Variants in NUP210L observed in about 807,000 individuals in gnomAD.
NUP210L encodes nuclear pore membrane glycoprotein 210-like.
NUP210L carries 74 observed loss-of-function variants against 208.5 expected under a neutral mutation model. The ratio of observed to expected loss-of-function variants is 0.35; its 90% CI spans 0.29 to 0.43. The LOEUF is 0.43. Among genes scored for constraint, NUP210L ranks in the 20% least tolerant of loss-of-function variants. The probability of loss-of-function intolerance (pLI) is 1.00; values close to 1 mark genes in which losing one functional copy is unlikely to be tolerated. For synonymous variants in NUP210L, 780 were observed against 816.9 expected, an observed-to-expected ratio of 0.95 and a Z score of 0.77; for missense variants, 1,843 against 2,289.4, an observed-to-expected ratio of 0.81 and a Z score of 3.98.
chr1:154,144,735 A>G (rs1486243420), intron 2 of NUP210L, among the ~76,000 whole-genome samples: 2 of 152,226 alleles, frequency 1.3e-5, no homozygotes, highest in South Asian at 2.1e-4. Flanking sequence ...CCACTTTCCA[A>G]TGACCCCAAA....
chr1:154,098,522 G>C (rs1319518997), intron 14 of NUP210L, among the ~76,000 whole-genome samples: 1 of 152,150 alleles, frequency 6.6e-6, no homozygotes, highest in Non-Finnish European at 1.5e-5. Context: ...GCCCTGGAGT[G>C]GGTAGTACCT....
chr1:154,049,081 G>T (rs1239043721), intron 25 of NUP210L, among the ~76,000 whole-genome samples: 1 of 152,164 alleles, frequency 6.6e-6, no homozygotes, highest in African/African-American at 2.4e-5. Flanking sequence ...GTAGATACAG[G>T]AGTGGACATT....
chr1:154,031,832 C>T (rs969328080), intron 27 of NUP210L, among the ~76,000 whole-genome samples: 1 of 151,830 alleles, frequency 6.6e-6, no homozygotes, highest in African/African-American at 2.4e-5. Flanking sequence ...AGTGTTTCTC[C>T]TGCCTCAGCC....
intron 16 of NUP210L, among the ~76,000 whole-genome samples, chr1:154,085,476 T>G (rs1655580473): frequency 6.6e-6 from 1 of 152,018 alleles, no homozygotes; most frequent in South Asian, 2.1e-4. Flanking sequence ...GAAACATTGT[T>G]GAAAGAAATT....
exon 40 of NUP210L, chr1:153,992,746 A>G (rs1649532630): frequency 1.2e-6 from 1 of 826,504 alleles, no homozygotes. Context: ...TTATCTGGAA[A>G]CTTAATGTAG....
exon 5 of NUP210L, chr1:154,139,804 T>C (rs1192723787): frequency 4.3e-6 from 7 of 1,612,932 alleles, no homozygotes; most frequent in Non-Finnish European, 5.1e-6. Flanking sequence ...CTTTTTACCT[T>C]ATAGAATGGT....
In NUP210L at chr1:154,071,836, C is replaced by G. The variant is rs187356926; in HGVS notation, c.2362-1371G>C. 1.8e-3 allele frequency among the ~76,000 whole-genome samples: 270 copies of G among 151,984 alleles called. 2 individuals carry two copies. Among genetic ancestry groups the G allele is most frequent in the Non-Finnish European group, 1.5e-3 (105 of 67,980 alleles). On this transcript the variant is annotated intron_variant, in intron 16 of 39. Coordinates refer to ENST00000368559, the Ensembl canonical transcript of NUP210L. The stretch of plus-strand genomic sequence containing the variant: ...TATTTTTAGTAGAGACGGGATTTCA[C>G]CATGTTAGCCAGGATGGTCTCAATC...
At chr1:154,034,236 G>A (rs1430314744) in intron 27 of NUP210L, among the ~76,000 whole-genome samples, 1 of 152,110 alleles carries the variant, frequency 6.6e-6, no homozygotes, top group Admixed American at 6.6e-5. Flanking sequence ...CTATTTTTCA[G>A]AATAGTTTGA....
At chr1:154,129,367 T>A in intron 7 of NUP210L, 22 bp from the exon 8 acceptor site, 1 of 1,527,740 alleles carries the variant, frequency 6.5e-7, no homozygotes, top group Non-Finnish European at 9.0e-7. Flanking sequence ...CTTAAGGAAA[T>A]CATGTGAGCC....
intron 12 of NUP210L, among the ~76,000 whole-genome samples, chr1:154,109,084 G>T (rs1415283126): frequency 2.6e-5 from 4 of 151,596 alleles, no homozygotes; most frequent in African/African-American, 9.8e-5. Flanking sequence ...TGGGCAACAA[G>T]AGTGAAACTC....
chr1:153,993,211 T>C (rs573329900), intron 38 of NUP210L, 122 bp from the exon 39 acceptor site: 61 of 621,118 alleles, frequency 9.8e-5, no homozygotes, highest in Middle Eastern at 8.8e-4. Context: ...GTAATGGCAC[T>C]ATTACAGGAA....
At chr1:154,025,498 T>A in intron 30 of NUP210L, 44 bp downstream of exon 30, 1 of 1,351,858 alleles carries the variant, frequency 7.4e-7, no homozygotes, top group Non-Finnish European at 9.8e-7. Context: ...GGCCAGGGTA[T>A]GACTTTTATT....
At chr1:154,129,634 C>T (rs1408605333) in intron 7 of NUP210L, among the ~76,000 whole-genome samples, 1 of 152,166 alleles carries the variant, frequency 6.6e-6, no homozygotes, top group Non-Finnish European at 1.5e-5. Context: ...GCTGCAGACC[C>T]CTTTCTCCAA....
chr1:154,007,869 C>T (rs1278082224), intron 35 of NUP210L, among the ~76,000 whole-genome samples: 5 of 150,008 alleles, frequency 3.3e-5, no homozygotes, highest in East Asian at 4.0e-4. Context: ...CCACTGCGCC[C>T]GGCCTTATTT....
At chr1:154,086,022 G>A (rs1011557333) in intron 16 of NUP210L, among the ~76,000 whole-genome samples, 26 of 152,010 alleles carry the variant, frequency 1.7e-4, no homozygotes, top group African/African-American at 6.3e-4. Flanking sequence ...GACCAGCCTG[G>A]CCAATATGGT....
intron 12 of NUP210L, among the ~76,000 whole-genome samples, chr1:154,115,618 G>A (rs1270778480): frequency 9.9e-5 from 15 of 151,868 alleles, no homozygotes; most frequent in Non-Finnish European, 1.5e-5. Context: ...AGTCATACAG[G>A]GCTTTAAATA....
At chr1:154,108,685 G>A (rs1656895556) in intron 12 of NUP210L, among the ~76,000 whole-genome samples, 1 of 151,636 alleles carries the variant, frequency 6.6e-6, no homozygotes, top group Non-Finnish European at 1.5e-5. Flanking sequence ...AGGAAGAGAA[G>A]ACCACAAAAC....
chr1:154,081,389 C>T (rs1655315467), intron 16 of NUP210L, among the ~76,000 whole-genome samples: 2 of 152,178 alleles, frequency 1.3e-5, no homozygotes, highest in Admixed American at 1.3e-4. Context: ...AGGTTGTCCT[C>T]AGTTCCTGGG....
At chr1:154,066,331 C>T (rs115987072) in intron 17 of NUP210L, among the ~76,000 whole-genome samples, 1,710 of 152,204 alleles carry the variant, frequency 0.011, 39 homozygotes, top group African/African-American at 0.039. Flanking sequence ...ATCAATGAAT[C>T]GCTGGGCGCG....
Sources: allele counts gnomAD v4.1 joint callset (sites outside exome capture counted in the v4.1 genomes callset), GRCh38; gene constraint gnomAD v4.1.1; transcripts MANE v1.5; gene names NCBI Gene and HGNC (gene_info 2026-07-23, HGNC 2026-07-21).